The following CARMIL1 variants were observed in gnomAD, a reference collection of about 807,000 sequenced individuals.
CARMIL1 encodes F-actin-uncapping protein LRRC16A.
Under a neutral mutation model 177.1 loss-of-function variants are expected in CARMIL1, and 90 were observed. The observed-to-expected ratio is 0.51, with a 90% CI of 0.43 to 0.61. CARMIL1 has a LOEUF of 0.61. Among genes scored for constraint, CARMIL1 ranks in the 20% least tolerant of loss-of-function variants. The pLI is 0.00. For synonymous variants in CARMIL1, 577 were observed against 606.2 expected (o/e 0.95, Z 0.71); for missense variants, 1,380 against 1,667.0 (o/e 0.83, Z 3.00).
chr6:25,491,611 C>T (rs1334034170), intron 13 of CARMIL1, 121 bp from the exon 14 acceptor site: 2 of 588,986 alleles, frequency 3.4e-6, no homozygotes, highest in Non-Finnish European at 5.9e-6. Flanking sequence ...TGATAATCCC[C>T]TTGGGAAGAG....
chr6:25,517,469 G>A, intron 22 of CARMIL1, 54 bp downstream of exon 22: 1 of 1,376,570 alleles, frequency 7.3e-7, no homozygotes, highest in Non-Finnish European at 1.0e-6. Context: ...AAAACCAATG[G>A]TATATATGTT....
intron 2 of CARMIL1, among the ~76,000 whole-genome samples, chr6:25,305,653 G>A (rs191948545): frequency 2.0e-5 from 3 of 152,234 alleles, no homozygotes; most frequent in African/African-American, 7.2e-5. Flanking sequence ...TTCATCACAC[G>A]GAAACTATTG....
chr6:25,557,043 T>C (rs1810688212), intron 29 of CARMIL1, among the ~76,000 whole-genome samples, 193 bp downstream of exon 29: 1 of 152,076 alleles, frequency 6.6e-6, no homozygotes, highest in African/African-American at 2.4e-5. Context: ...AGCCCCCTTC[T>C]AAGGCCCTGT....
chr6:25,387,812 G>T (rs988536275), intron 2 of CARMIL1, among the ~76,000 whole-genome samples: 8 of 152,170 alleles, frequency 5.3e-5, no homozygotes, highest in Non-Finnish European at 8.8e-5. Flanking sequence ...AGAAGACTGA[G>T]GCCTCAGGGA....
intron 1 of CARMIL1, among the ~76,000 whole-genome samples, chr6:25,280,133 G>A (rs983655573): frequency 6.6e-5 from 10 of 152,342 alleles, no homozygotes; most frequent in Non-Finnish European, 1.5e-4. Context: ...CGGGGATCCA[G>A]GTTGGCGAAA....
chr6:25,373,771 C>T (rs935686728), intron 2 of CARMIL1, among the ~76,000 whole-genome samples: 3 of 151,634 alleles, frequency 2.0e-5, no homozygotes, highest in African/African-American at 7.3e-5. Flanking sequence ...TTTTAGTAGA[C>T]GTGGGGTTTC....
intron 2 of CARMIL1, among the ~76,000 whole-genome samples, chr6:25,309,060 AT>A (rs1783529257): frequency 6.6e-6 from 1 of 151,952 alleles, no homozygotes; most frequent in South Asian, 2.1e-4. Context: ...TTTAATTTTT[AT>A]TTTGAAAATG....
intron 2 of CARMIL1, among the ~76,000 whole-genome samples, chr6:25,406,529 T>C (rs1427664000): frequency 6.6e-6 from 1 of 152,142 alleles, no homozygotes; most frequent in Non-Finnish European, 1.5e-5. Flanking sequence ...TAGAAGGCTA[T>C]TGCAAGTGGT....
Position 25,515,589 on chromosome 6 carries a change from C to G in CARMIL1, c.1633-86C>G. ...ATCAGACACGTGCAGTAGGTCCATC[C>G]CCTCTCATTCTCCACGAAATGCGTC... On this transcript the variant is annotated intron_variant, in intron 20 of 36. Coordinates refer to ENST00000329474, the MANE Select transcript of CARMIL1 (RefSeq NM_017640.6). This position sits in a 1 kb window ranked among gnomAD's most constrained non-coding sequence, Gnocchi z 5.0. The G allele has an allele frequency of 1.6e-6, 2 of 1,259,816 alleles. No individual in the cohort carries two copies. The highest frequency in any genetic ancestry group is 4.5e-5 in the Admixed American group (2 of 44,682). 78.0% of individuals were successfully genotyped at this position (1,259,816 alleles called of 1,614,324 possible).
At chr6:25,459,268 T>TTCTTTCTTTC (rs760311925) in intron 8 of CARMIL1, among the ~76,000 whole-genome samples, 28 of 121,196 alleles carry the variant, frequency 2.3e-4, no homozygotes, top group South Asian at 8.8e-4. Context: ...CTTTCTTTCT[T>TTCTTTCTTTC]TTTTTTTTTT....
intron 8 of CARMIL1, among the ~76,000 whole-genome samples, chr6:25,462,988 CA>C (rs1800255692): frequency 2.6e-5 from 4 of 152,094 alleles, no homozygotes; most frequent in Non-Finnish European, 5.9e-5. Flanking sequence ...GAAGCCTAGG[CA>C]TTAACACAAT....
chr6:25,440,102 A>G (rs182433169), intron 5 of CARMIL1, among the ~76,000 whole-genome samples: 311 of 152,308 alleles, frequency 2.0e-3, no homozygotes, highest in Admixed American at 3.9e-3. Context: ...GAGCACATAC[A>G]CTTCACACTT....
chr6:25,520,432 G>T (rs1014493385), intron 23 of CARMIL1, 95 bp downstream of exon 23: 1 of 719,928 alleles, frequency 1.4e-6, no homozygotes, highest in Non-Finnish European at 2.2e-6. Flanking sequence ...ATTTTACGAA[G>T]TTTTTTTAAA....
chr6:25,599,586 C>A lies in CARMIL1; in HGVS notation c.3120-728C>A, dbSNP rs534100209. The stretch of plus-strand genomic sequence containing the variant: ...CTTCTGAAAACTCTCCCAGAGCATA[C>A]TCTCTGCCTTTTGGAACCAAACTCA... On this transcript the variant is annotated intron_variant, in intron 32 of 36. Transcript: ENST00000329474. Among the ~76,000 whole-genome samples, 7 of 152,298 alleles carry A rather than the reference C, an allele frequency of 4.6e-5. No individual in the cohort carries two copies. In the South Asian group the frequency reaches 1.4e-3, roughly 32 times the overall value.
intron 29 of CARMIL1, among the ~76,000 whole-genome samples, chr6:25,575,990 G>A (rs1812549332): frequency 6.6e-6 from 1 of 152,168 alleles, no homozygotes; most frequent in Admixed American, 6.5e-5. Flanking sequence ...GGTGGAAGGA[G>A]TAGGTGGCCT....
At chr6:25,471,368 G>A in intron 10 of CARMIL1, 111 bp downstream of exon 10, 1 of 635,084 alleles carries the variant, frequency 1.6e-6, no homozygotes, top group Admixed American at 3.5e-5. Flanking sequence ...CACATATACA[G>A]CAATGTTTTT....
intron 8 of CARMIL1, among the ~76,000 whole-genome samples, chr6:25,457,093 A>C (rs1013393480): frequency 7.9e-5 from 12 of 152,112 alleles, no homozygotes; most frequent in African/African-American, 2.4e-4. Flanking sequence ...AATTTCTCGA[A>C]ATAGTTCTGT....
chr6:25,402,169 T>C (rs111553127), intron 2 of CARMIL1, among the ~76,000 whole-genome samples: 35 of 152,056 alleles, frequency 2.3e-4, no homozygotes, highest in African/African-American at 7.2e-4. Flanking sequence ...CATGGTGATC[T>C]TGGGAGGAAA....
At chr6:25,488,713 G>A (rs1802913269) in intron 13 of CARMIL1, 128 bp downstream of exon 13, 2 of 756,216 alleles carry the variant, frequency 2.6e-6, no homozygotes, top group South Asian at 3.1e-5. Flanking sequence ...GAATCATTTA[G>A]TTACGAGCTT....
Sources: allele counts gnomAD v4.1 joint callset (sites outside exome capture counted in the v4.1 genomes callset), GRCh38; gene constraint gnomAD v4.1.1; non-coding constraint Gnocchi (gnomAD v3.1); transcripts MANE v1.5; gene names NCBI Gene and HGNC (gene_info 2026-07-23, HGNC 2026-07-21).